Variants in PPM1K observed in about 807,000 individuals in gnomAD.
PPM1K encodes the protein protein phosphatase, Mg2+/Mn2+ dependent 1K.
A neutral mutation model predicts 32.6 loss-of-function variants in PPM1K; 19 were observed. The observed-to-expected ratio is 0.58, with a 90% CI of 0.41 to 0.86. The LOEUF is 0.86. Among genes scored for constraint, PPM1K ranks in the 40% least tolerant of loss-of-function variants. PPM1K has a pLI of 0.00. For synonymous variants in PPM1K, 159 were observed against 165.3 expected (o/e 0.96, Z 0.29); for missense variants, 362 against 461.2 (o/e 0.78, Z 1.97).
At chr4:88,265,284 C>T in intron 5 of PPM1K, 149 bp from the exon 6 acceptor site, 1 of 839,312 alleles carries the variant, frequency 1.2e-6, no homozygotes, top group South Asian at 1.7e-5. Flanking sequence ...CCACCCAAAT[C>T]TCATATTGAA....
intron 1 of PPM1K, chr4:88,279,413 A>C (rs182258019): frequency 6.6e-6 from 1 of 152,350 alleles, no homozygotes; most frequent in Non-Finnish European, 1.5e-5. Context: ...CCATCCTAGC[A>C]GACTCTCTCA....
At position 88,262,646 on chromosome 4, in the gene PPM1K, T is replaced by C; in HGVS notation, c.1068A>G (p.Glu356=). 6.2e-7 allele frequency: 1 copy of C among 1,614,158 alleles called. No individual in the cohort carries two copies. Among genetic ancestry groups the C allele is most frequent in the South Asian group, 1.1e-5 (1 of 91,086 alleles). Residue 356 remains glutamate (E), a synonymous_variant, in exon 7 of 7, where the codon GAA becomes GAG. Coordinates refer to ENST00000608933, the MANE Select transcript of PPM1K (RefSeq NM_152542.5). Reference sequence around the variant, plus strand: ...AGCTTCTGCTGAATGAGAAGTTGATTTCAGAGTTCTTATATTTTCCCCAGG... The same window carrying C: ...AGCTTCTGCTGAATGAGAAGTTGATCTCAGAGTTCTTATATTTTCCCCAGG... ...FGAWGKYKNS[E]INFSFSRSFA... is the part of the protein sequence containing the mutation.
chr4:88,275,045 C>A (rs1731710371), intron 3 of PPM1K: 1 of 814,160 alleles, frequency 1.2e-6, no homozygotes, highest in Non-Finnish European at 1.5e-6. Context: ...TTGTCTTGCT[C>A]CATTATACTT....
intron 1 of PPM1K, among the ~76,000 whole-genome samples, chr4:88,283,375 G>A (rs1377044565): frequency 6.6e-6 from 1 of 152,244 alleles, no homozygotes; most frequent in Non-Finnish European, 1.5e-5. Flanking sequence ...AAAGTGCTGT[G>A]ATCACAGGCG....
Position 88,268,732 on chromosome 4 carries a change from T to C in PPM1K, c.707+9A>G. ...ATAGAATGATATGATGGATCAGTGG[T>C]GGTAGTACCTTTCTTTTTCATCTTT... is the stretch of plus-strand genomic sequence containing the variant. On this transcript the variant is annotated intron_variant, in intron 4 of 6. Transcript: ENST00000608933. 1.9e-6 allele frequency: 3 copies of C among 1,612,356 alleles called. No individual in the cohort carries two copies. Among genetic ancestry groups the C allele is most frequent in the Non-Finnish European group, 2.5e-6 (3 of 1,178,624 alleles).
chr4:88,277,360 A>G lies in PPM1K; in HGVS notation c.441-117T>C, dbSNP rs150084930. 1,144 of 684,272 alleles carry G rather than the reference A, an allele frequency of 1.7e-3. 11 individuals carry two copies. The East Asian group carries it at 0.02, about 12-fold the overall frequency. The allele number at this position is 684,272 out of a possible 1,614,324, so 42.4% of individuals were successfully genotyped here. ...ACGGGCCTCAGGATTTTCCTGTCAA[A>G]TGCTGAAGACCTACTGGCTAAGGAA... On this transcript the variant is annotated intron_variant, in intron 2 of 6. Transcript: ENST00000608933.
Position 88,261,793 on chromosome 4 carries a change from T to C in PPM1K, c.*802A>G, listed in dbSNP as rs1016561181. 2.7e-5 allele frequency: 4 copies of C among 149,326 alleles called. No individual in the cohort carries two copies. Among genetic ancestry groups the C allele is most frequent in the African/African-American group, 9.9e-5 (4 of 40,508 alleles). 9.3% of individuals were successfully genotyped at this position (149,326 alleles called of 1,614,324 possible). A position where few individuals can be genotyped will look rare whatever the true frequency, so the allele number is the denominator to read the frequency against. ...CTCACTGCAACCCCCATCTCCTGGG[T>C]TCAAGTGATTCCTCTTTCCTCAGCC... On this transcript the variant is annotated 3_prime_UTR_variant, in exon 7 of 7. Transcript: ENST00000608933.
Position 88,278,694 on chromosome 4 carries a change from G to A in PPM1K, c.-59-52C>T. The A allele has an allele frequency of 1.3e-6, 1 of 799,592 alleles. No individual in the cohort carries two copies. Among genetic ancestry groups the A allele is most frequent in the Non-Finnish European group, 2.0e-6 (1 of 510,696 alleles). The allele number at this position is 799,592 out of a possible 1,614,324, so 49.5% of individuals were successfully genotyped here. A position where few individuals can be genotyped will look rare whatever the true frequency, so the allele number is the denominator to read the frequency against. On this transcript the variant is annotated intron_variant, in intron 1 of 6. Transcript: ENST00000608933. The surrounding 1 kb of genome is among the most constrained non-coding windows in gnomAD (Gnocchi z 4.2). Reference sequence around the variant, plus strand: ...GGGGACAGAGGGAGAGAGGGGCAGAGGAGGAGAGGGAGAGAGACAGAGAGA... The same window carrying A: ...GGGGACAGAGGGAGAGAGGGGCAGAAGAGGAGAGGGAGAGAGACAGAGAGA...
chr4:88,266,835 CGATGTTGGCTGATTGGGTGCAGGT>C (rs1415656453), intron 5 of PPM1K, among the ~76,000 whole-genome samples: 7 of 105,130 alleles, frequency 6.7e-5, no homozygotes, highest in South Asian at 6.7e-4. Flanking sequence ...TGGGTGCAGG[CGATGTTGGCTGATTGGGTGCAGGT>C]GATGTTGGCT....
chr4:88,274,257 G>T (rs1418363478), intron 3 of PPM1K, among the ~76,000 whole-genome samples: 7 of 152,132 alleles, frequency 4.6e-5, no homozygotes, highest in African/African-American at 1.7e-4. Context: ...TCAGGTGTCT[G>T]CTAACTAAAA....
rs981463412 is a variant in PPM1K, at chr4:88,268,325, T to C, written c.717A>G (p.Lys239=). 3.1e-6 allele frequency: 5 copies of C among 1,614,176 alleles called. No individual in the cohort carries two copies. Among genetic ancestry groups the C allele is most frequent in the Non-Finnish European group, 4.2e-6 (5 of 1,180,038 alleles). Residue 239 remains lysine (K), a synonymous_variant, in exon 5 of 7, where the codon AAA becomes AAG. Coordinates refer to ENST00000608933, the MANE Select transcript of PPM1K (RefSeq NM_152542.5). Reference sequence around the variant, plus strand: ...TATTCCAAGCTACAAAACCACCACATTTCTTGATCCTGTTAAAAGTTAAAT... The same window carrying C: ...TATTCCAAGCTACAAAACCACCACACTTCTTGATCCTGTTAAAAGTTAAAT... ...ERKDEKERIK[K]CGGFVAWNSL... is the part of the protein sequence containing the mutation.
chr4:88,259,265 C>CA lies in PPM1K; in HGVS notation c.*3329dup, dbSNP rs375385989. 43,453 of 110,096 alleles carry CA rather than the reference C, an allele frequency of 0.39. 7,667 individuals carry two copies. The highest frequency in any genetic ancestry group is 0.5 in the Middle Eastern group (104 of 210). 6.8% of individuals were successfully genotyped at this position (110,096 alleles called of 1,614,324 possible). ...TGTGTGACAGAGTGAGACTCCATCTCAAAAAAAAAAAAAAAGAAATACAAA... is the reference window on the plus strand; with the variant it reads ...TGTGTGACAGAGTGAGACTCCATCTCAAAAAAAAAAAAAAAAGAAATACAAA... On this transcript the variant is annotated 3_prime_UTR_variant, in exon 7 of 7. Transcript: ENST00000608933.
At chr4:88,282,561 A>G (rs1732055878) in intron 1 of PPM1K, among the ~76,000 whole-genome samples, 1 of 152,212 alleles carries the variant, frequency 6.6e-6, no homozygotes, top group Non-Finnish European at 1.5e-5. Context: ...AAATTTCCAG[A>G]ATGTATTTCA....
chr4:88,273,679 CAAAA>C (rs72431742), intron 3 of PPM1K, among the ~76,000 whole-genome samples: 1 of 101,202 alleles, frequency 9.9e-6, no homozygotes, highest in African/African-American at 3.5e-5. Context: ...AAAACTGTCT[CAAAA>C]AAAAAAAAAA....
rs1029170480 is a variant in PPM1K, at chr4:88,276,602, CT to C, written c.541+540del. ...ACCAGAGAAAAGCTGCAAGATTGAGCTTTTTAAGAAGTGACAGAAAAATATT... is the reference window on the plus strand; with the variant it reads ...ACCAGAGAAAAGCTGCAAGATTGAGCTTTTAAGAAGTGACAGAAAAATATT... On this transcript the variant is annotated intron_variant, in intron 3 of 6. Transcript: ENST00000608933. The C allele has an allele frequency of 2.2e-5, 22 of 985,110 alleles. No homozygotes were observed. The African/African-American group carries it at 3.0e-4, about 13-fold the overall frequency. 61.0% of individuals were successfully genotyped at this position (985,110 alleles called of 1,614,324 possible). A position where few individuals can be genotyped will look rare whatever the true frequency, so the allele number is the denominator to read the frequency against.
At chr4:88,272,346 G>A (rs978150980) in intron 3 of PPM1K, among the ~76,000 whole-genome samples, 2 of 152,126 alleles carry the variant, frequency 1.3e-5, no homozygotes, top group Non-Finnish European at 2.9e-5. Context: ...CACAGGATAT[G>A]AAGAACATAA....
chr4:88,270,205 T>C lies in PPM1K; in HGVS notation c.542-1299A>G, dbSNP rs1342126601. The stretch of plus-strand genomic sequence containing the variant: ...TCATCAGTAATGCATTGGAAGGAGA[T>C]ATATACATAAATAGATTTTTCCAAT... On this transcript the variant is annotated intron_variant, in intron 3 of 6. Coordinates refer to ENST00000608933, the MANE Select transcript of PPM1K (RefSeq NM_152542.5). Among the ~76,000 whole-genome samples, 8 of 152,290 alleles carry C rather than the reference T, an allele frequency of 5.3e-5. No individual in the cohort carries two copies. The East Asian group carries it at 1.5e-3, about 29-fold the overall frequency.
chr4:88,277,043 T>A lies in PPM1K; in HGVS notation c.541+100A>T. On this transcript the variant is annotated intron_variant, in intron 3 of 6. Coordinates refer to ENST00000608933, the MANE Select transcript of PPM1K (RefSeq NM_152542.5). ...ATAAATCCTTACAAACAATTGTCCA[T>A]TAAAATCCCCTCCCCCAAAGGACTT... is the stretch of plus-strand genomic sequence containing the variant. 3.3e-6 allele frequency: 3 copies of A among 922,736 alleles called. No individual in the cohort carries two copies. The South Asian group carries it at 4.9e-5, about 15-fold the overall frequency. The allele number at this position is 922,736 out of a possible 1,614,324, so 57.2% of individuals were successfully genotyped here.
chr4:88,278,680 GAGAGAGGGGCAGAGGA>G lies in PPM1K; in HGVS notation c.-59-54_-59-39del. 1.0e-6 allele frequency: 1 copy of G among 977,778 alleles called. No individual in the cohort carries two copies. The highest frequency in any genetic ancestry group is 1.7e-5 in the South Asian group (1 of 59,550). 60.6% of individuals were successfully genotyped at this position (977,778 alleles called of 1,614,324 possible). A position where few individuals can be genotyped will look rare whatever the true frequency, so the allele number is the denominator to read the frequency against. On this transcript the variant is annotated intron_variant, in intron 1 of 6. Transcript: ENST00000608933. This position sits in a 1 kb window ranked among gnomAD's most constrained non-coding sequence, Gnocchi z 4.2. ...TGATGCAAGTCACAGGGGACAGAGG[GAGAGAGGGGCAGAGGA>G]GGAGAGGGAGAGAGACAGAGAGAGA...
Sources: gnomAD v4.1 joint callset for allele counts (sites outside exome capture counted in the v4.1 genomes callset) on GRCh38, gnomAD v4.1.1 for gene constraint, Gnocchi (gnomAD v3.1) non-coding constraint, MANE v1.5 for transcripts, NCBI Gene and HGNC (gene_info 2026-07-23, HGNC 2026-07-21) for gene names.